Variants in KLF13 observed in about 807,000 individuals in gnomAD.
KLF13 encodes the protein Krueppel-like factor 13.
A neutral mutation model predicts 16.7 loss-of-function variants in KLF13; 8 were observed. That is an observed-to-expected ratio of 0.48 (90% CI 0.28 to 0.87). The LOEUF is 0.87. Among genes scored for constraint, KLF13 ranks in the 40% least tolerant of loss-of-function variants. The pLI, the probability that KLF13 is intolerant of heterozygous loss-of-function variation, is 0.10. For missense variants in KLF13, 447 were observed against 452.2 expected, an observed-to-expected ratio of 0.99 and a Z score of 0.10; for synonymous variants, 245 against 208.4, an observed-to-expected ratio of 1.18 and a Z score of -1.51.
intron 1 of KLF13, among the ~76,000 whole-genome samples, chr15:31,335,073 A>G (rs760201844): frequency 1.3e-5 from 2 of 152,220 alleles, no homozygotes; most frequent in Non-Finnish European, 2.9e-5. Context: ...ATGTGTAGAA[A>G]CACATATGGG....
At chr15:31,343,100 A>G (rs1333100195) in intron 1 of KLF13, among the ~76,000 whole-genome samples, 3 of 152,218 alleles carry the variant, frequency 2.0e-5, no homozygotes, top group Non-Finnish European at 4.4e-5. Flanking sequence ...GCCGAGGCAC[A>G]TACTGTCTCC....
chr15:31,335,282 C>CT (rs560211671), intron 1 of KLF13, among the ~76,000 whole-genome samples: 48 of 152,224 alleles, frequency 3.2e-4, no homozygotes, highest in African/African-American at 1.2e-3. Flanking sequence ...TCAGTTGAAA[C>CT]TAGGGCTGTG....
rs1024374329 is a variant in KLF13, at chr15:31,327,987, C to T, written c.577+198C>T. 2.0e-5 allele frequency among the ~76,000 whole-genome samples: 3 copies of T among 148,046 alleles called. No homozygotes were observed. The East Asian group carries it at 6.0e-4, about 30-fold the overall frequency. ...GCGAGGCGGGTCTTGGCTCTCGGAG[C>T]CGGCGCCCGCCAGGCGACCGCGCCC... On this transcript the variant is annotated intron_variant, in intron 1 of 1. Coordinates refer to ENST00000307145, the MANE Select transcript of KLF13 (RefSeq NM_015995.4).
intron 1 of KLF13, among the ~76,000 whole-genome samples, chr15:31,330,885 C>T (rs558827644): frequency 1.3e-5 from 2 of 152,346 alleles, no homozygotes; most frequent in African/African-American, 4.8e-5. Context: ...CTTAGGGGAG[C>T]AGCAAGACCA....
chr15:31,363,720 AG>A (rs1377813480), intron 1 of KLF13, among the ~76,000 whole-genome samples: 25 of 152,202 alleles, frequency 1.6e-4, no homozygotes, highest in Admixed American at 1.6e-3. Context: ...TCCTGACCTC[AG>A]GTGATCCTCC....
rs949739901 is a variant in KLF13, at chr15:31,339,864, T to C, written c.577+12075T>C. On this transcript the variant is annotated intron_variant, in intron 1 of 1. Coordinates refer to ENST00000307145, the MANE Select transcript of KLF13 (RefSeq NM_015995.4). ...GAGTGCCCCAGGTGGCACTTTGCTG[T>C]GGGAGATGCAGCAGCGGGCTCTCGT... 9.5e-5 allele frequency: 65 copies of C among 681,664 alleles called. No individual in the cohort carries two copies. The African/African-American group carries it at 1.1e-3, about 11-fold the overall frequency. The allele number at this position is 681,664 out of a possible 1,614,324, so 42.2% of individuals were successfully genotyped here. A position where few individuals can be genotyped will look rare whatever the true frequency, so the allele number is the denominator to read the frequency against.
intron 1 of KLF13, among the ~76,000 whole-genome samples, chr15:31,335,583 A>G (rs1167201457): frequency 6.6e-6 from 1 of 152,152 alleles, no homozygotes; most frequent in African/African-American, 2.4e-5. Flanking sequence ...TGGACAAACA[A>G]GACAGCACAC....
chr15:31,422,916 A>G lies in KLF13; in HGVS notation n.118-12454A>G, dbSNP rs1225570129. On this transcript the variant is annotated intron_variant and non_coding_transcript_variant, in intron 1 of 1. Coordinates refer to the KLF13 transcript ENST00000558225. ...GCTGGGCTTGGTGGTGGACACCTGT[A>G]GTCCCAGCTACTCAGGGGGCTGAGG... 2.0e-5 allele frequency among the ~76,000 whole-genome samples: 3 copies of G among 151,504 alleles called. No homozygotes were observed. In the East Asian group the frequency reaches 5.9e-4, roughly 30 times the overall value.
At chr15:31,328,873 C>A (rs893560952) in intron 1 of KLF13, among the ~76,000 whole-genome samples, 1 of 152,356 alleles carries the variant, frequency 6.6e-6, no homozygotes, top group Non-Finnish European at 1.5e-5. Context: ...CTCACCTCTT[C>A]TACCTTGGGG....
chr15:31,416,088 A>G (rs2040254601), intron 1 of KLF13, among the ~76,000 whole-genome samples: 1 of 152,148 alleles, frequency 6.6e-6, no homozygotes, highest in East Asian at 1.9e-4. Context: ...AAAACTGACA[A>G]ATTTCTAGAA....
chr15:31,327,224 C>T lies in KLF13; in HGVS notation c.12C>T (p.Ala4=). Residue 4 remains alanine, a synonymous_variant, in exon 1 of 2, where the codon GCC becomes GCT. Transcript: ENST00000307145. MAA[A]AYVDHFAAEC... is the part of the protein sequence containing the mutation. The stretch of plus-strand genomic sequence containing the variant: ...CCCCAGCCCGCAGCATGGCAGCCGC[C>T]GCCTATGTGGACCACTTCGCCGCCG... 1.5e-6 allele frequency: 2 copies of T among 1,366,190 alleles called. No homozygotes were observed. The highest frequency in any genetic ancestry group is 1.9e-6 in the Non-Finnish European group (2 of 1,058,584). 84.6% of individuals were successfully genotyped at this position (1,366,190 alleles called of 1,614,324 possible).
downstream of KLF13, among the ~76,000 whole-genome samples, chr15:31,380,057 G>A (rs188764736): frequency 2.9e-3 from 446 of 152,288 alleles, 3 homozygotes; most frequent in Non-Finnish European, 5.2e-3. Context: ...CAGCACTCTG[G>A]GGGGCCGAGG....
chr15:31,382,232 T>C (rs935976883), downstream of KLF13, among the ~76,000 whole-genome samples: 4 of 152,204 alleles, frequency 2.6e-5, no homozygotes, highest in East Asian at 7.7e-4. Context: ...CCCAGAGGCC[T>C]GCCGGGCAGC....
At chr15:31,354,165 A>G (rs1265516219) in intron 1 of KLF13, among the ~76,000 whole-genome samples, 1 of 152,116 alleles carries the variant, frequency 6.6e-6, no homozygotes, top group Non-Finnish European at 1.5e-5. Context: ...ACTGACAGCA[A>G]TGTCCAGTCC....
Position 31,430,792 on chromosome 15 carries a change from A to G in KLF13, n.118-4578A>G, listed in dbSNP as rs140425953. On this transcript the variant is annotated intron_variant and non_coding_transcript_variant, in intron 1 of 1. Coordinates refer to the KLF13 transcript ENST00000558225. ...CTTAATCATGTAAATTCAAATCACA[A>G]TGAGATCATTCCATATTCTGAAAGT... 6.6e-4 allele frequency among the ~76,000 whole-genome samples: 100 copies of G among 152,374 alleles called. No individual in the cohort carries two copies. In the East Asian group the frequency reaches 0.014, roughly 21 times the overall value.
chr15:31,342,896 G>A (rs1318728982), intron 1 of KLF13, among the ~76,000 whole-genome samples: 1 of 152,176 alleles, frequency 6.6e-6, no homozygotes, highest in Non-Finnish European at 1.5e-5. Flanking sequence ...GCTTCCTGTG[G>A]TCGGAGGTGA....
chr15:31,433,315 T>C (rs2040494470), intron 1 of KLF13, among the ~76,000 whole-genome samples: 1 of 152,168 alleles, frequency 6.6e-6, no homozygotes, highest in Non-Finnish European at 1.5e-5. Flanking sequence ...GGCTTTTCCC[T>C]GGCCCCAGGC....
chr15:31,337,177 A>G (rs989936540), intron 1 of KLF13, among the ~76,000 whole-genome samples: 2 of 152,170 alleles, frequency 1.3e-5, no homozygotes, highest in Non-Finnish European at 2.9e-5. Context: ...AGGCATGCTA[A>G]GTGGCCTGCG....
At chr15:31,425,439 T>C (rs1282238863) in intron 1 of KLF13, among the ~76,000 whole-genome samples, 1 of 152,210 alleles carries the variant, frequency 6.6e-6, no homozygotes, top group East Asian at 1.9e-4. Flanking sequence ...TATAGACCAA[T>C]AGAATATAAG....
Sources: allele counts gnomAD v4.1 joint callset (sites outside exome capture counted in the v4.1 genomes callset), GRCh38; gene constraint gnomAD v4.1.1; transcripts MANE v1.5; gene names NCBI Gene and HGNC (gene_info 2026-07-23, HGNC 2026-07-21).